EFL1: variants seen among roughly 807,000 people sequenced by gnomAD.
The protein encoded by EFL1 is elongation factor like GTPase 1, also known as elongation factor-like GTPase 1.
Under a neutral mutation model 126.7 loss-of-function variants are expected in EFL1, and 76 were observed. The observed-to-expected ratio is 0.60, with a 90% CI of 0.50 to 0.73. The LOEUF (loss-of-function observed/expected upper bound fraction) is 0.73, where lower values mean the gene tolerates loss of function less well. Among genes scored for constraint, EFL1 ranks in the 30% least tolerant of loss-of-function variants. The pLI is 0.00. For missense variants in EFL1, 1,128 were observed against 1,343.2 expected, an observed-to-expected ratio of 0.84 and a Z score of 2.50; for synonymous variants, 410 against 448.4, an observed-to-expected ratio of 0.91 and a Z score of 1.08.
At chr15:82,225,087 C>G (rs1000640871) in intron 12 of EFL1, 78 bp downstream of exon 12, 7 of 1,123,584 alleles carry the variant, frequency 6.2e-6, no homozygotes, top group South Asian at 3.1e-5. Context: ...TCCGTGCCCC[C>G]CCTACCCACA....
rs534509204 is a variant in EFL1 at position 82,199,475 on chromosome 15, G to A, written c.1750+15242C>T. Among the ~76,000 whole-genome samples the A allele has an allele frequency of 3.9e-5, 6 of 152,308 alleles. No homozygotes were observed. The South Asian group carries it at 8.3e-4, about 21-fold the overall frequency. On this transcript the variant is annotated intron_variant, in intron 15 of 19. Transcript: ENST00000268206. Reference sequence around the variant, plus strand: ...TTGGAGACAGCTAGGACTGCGGCCCGCAAAATAAGACCTTGTATGAAAATG... The same window carrying A: ...TTGGAGACAGCTAGGACTGCGGCCCACAAAATAAGACCTTGTATGAAAATG...
At chr15:82,202,895 T>G (rs1388322585) in intron 15 of EFL1, among the ~76,000 whole-genome samples, 1 of 151,446 alleles carries the variant, frequency 6.6e-6, no homozygotes. Flanking sequence ...CACTGTAACC[T>G]CCGCCTCCCG....
chr15:82,231,731 A>G (rs898875212), intron 7 of EFL1, among the ~76,000 whole-genome samples: 4 of 152,158 alleles, frequency 2.6e-5, no homozygotes, highest in African/African-American at 4.8e-5. Context: ...GCAATCGCAC[A>G]AGAAAAGGAA....
At chr15:82,217,373 G>GAAAAAAAAAAAAAAAAAAAA in intron 14 of EFL1, among the ~76,000 whole-genome samples, 4 of 27,148 alleles carry the variant, frequency 1.5e-4, no homozygotes, top group Non-Finnish European at 2.1e-4. Flanking sequence ...GATTAGATTT[G>GAAAAAAAAAAAAAAAAAAAA]AAAAAAAAAA....
intron 18 of EFL1, among the ~76,000 whole-genome samples, chr15:82,142,748 C>T (rs1036885999): frequency 6.6e-6 from 1 of 152,206 alleles, no homozygotes; most frequent in African/African-American, 2.4e-5. Context: ...CCTCTCCAAG[C>T]CAAGGTATAT....
At chr15:82,196,618 A>C (rs2074410162) in intron 15 of EFL1, among the ~76,000 whole-genome samples, 1 of 152,266 alleles carries the variant, frequency 6.6e-6, no homozygotes, top group Admixed American at 6.5e-5. Context: ...TTACCACTAA[A>C]GTTTGTTTCA....
intron 17 of EFL1, among the ~76,000 whole-genome samples, chr15:82,155,307 G>C (rs566637296): frequency 6.6e-5 from 10 of 152,132 alleles, no homozygotes; most frequent in African/African-American, 2.4e-4. Context: ...TTTGAGAACA[G>C]CCTGGCCAAG....
At position 82,219,639 on chromosome 15, in the gene EFL1, T is replaced by C. The variant is rs2141302326; in HGVS notation, c.1611+13A>G. The C allele has an allele frequency of 6.3e-7, 1 of 1,595,448 alleles. No homozygotes were observed. Among genetic ancestry groups the C allele is most frequent in the East Asian group, 2.2e-5 (1 of 44,630 alleles). On this transcript the variant is annotated intron_variant, in intron 14 of 19. Coordinates refer to ENST00000268206, the MANE Select transcript of EFL1 (RefSeq NM_024580.6). ...GAGAAACAATATATAAATATTTTAC[T>C]TTCAATTCTTACCCTTCGTAAAAAC...
chr15:82,151,289 G>T (rs968131477), intron 18 of EFL1, among the ~76,000 whole-genome samples, 176 bp downstream of exon 18: 3 of 152,158 alleles, frequency 2.0e-5, no homozygotes, highest in African/African-American at 7.2e-5. Flanking sequence ...TTGAGAGGCT[G>T]AGGTGAGAGG....
chr15:82,221,343 G>T (rs1385940509), intron 12 of EFL1, among the ~76,000 whole-genome samples: 3 of 152,110 alleles, frequency 2.0e-5, no homozygotes, highest in African/African-American at 7.2e-5. Flanking sequence ...AGCCATGCAG[G>T]TAACCATTCT....
chr15:82,159,236 A>C (rs2073998056), intron 16 of EFL1, among the ~76,000 whole-genome samples: 1 of 152,216 alleles, frequency 6.6e-6, no homozygotes, highest in Non-Finnish European at 1.5e-5. Context: ...CTGGCTTAAA[A>C]GGATTCCTGC....
chr15:82,189,220 G>T (rs1466031142), intron 15 of EFL1, among the ~76,000 whole-genome samples: 1 of 152,028 alleles, frequency 6.6e-6, no homozygotes, highest in African/African-American at 2.4e-5. Flanking sequence ...GTAAAAATAG[G>T]GTATGATAAT....
chr15:82,245,598 C>A (rs114586219), intron 4 of EFL1, among the ~76,000 whole-genome samples: 15,617 of 151,908 alleles, frequency 0.1, 1,199 homozygotes, highest in African/African-American at 0.19. Flanking sequence ...TTATGAGAAG[C>A]CTGCCACAAG....
At chr15:82,247,776 G>T (rs1011384017) in intron 4 of EFL1, among the ~76,000 whole-genome samples, 2 of 152,090 alleles carry the variant, frequency 1.3e-5, no homozygotes. Context: ...ATGGGAAATT[G>T]AAAGAGGGTG....
At chr15:82,239,857 G>C (rs1372561437) in intron 6 of EFL1, among the ~76,000 whole-genome samples, 4 of 151,934 alleles carry the variant, frequency 2.6e-5, no homozygotes, top group Non-Finnish European at 4.4e-5. Context: ...CTTCCCTCTT[G>C]ACCCAGACTG....
chr15:82,193,676 A>T (rs1334200654), intron 15 of EFL1, among the ~76,000 whole-genome samples: 2 of 152,198 alleles, frequency 1.3e-5, no homozygotes, highest in African/African-American at 2.4e-5. Context: ...ATTCTGAAAA[A>T]GGTCATTCTT....
At chr15:82,141,109 C>T (rs1282722129) in intron 18 of EFL1, among the ~76,000 whole-genome samples, 2 of 152,170 alleles carry the variant, frequency 1.3e-5, no homozygotes, top group Non-Finnish European at 2.9e-5. Flanking sequence ...GTGACTAGAC[C>T]TGTATTTCCT....
intron 15 of EFL1, among the ~76,000 whole-genome samples, chr15:82,176,407 G>A (rs1034156625): frequency 2.6e-5 from 4 of 152,152 alleles, no homozygotes; most frequent in African/African-American, 4.8e-5. Flanking sequence ...AAGATAACTC[G>A]CAAAGGAGAA....
At chr15:82,193,049 GAAATT>G (rs1187297524) in intron 15 of EFL1, among the ~76,000 whole-genome samples, 1 of 152,104 alleles carries the variant, frequency 6.6e-6, no homozygotes, top group Non-Finnish European at 1.5e-5. Flanking sequence ...TATAACTTTT[GAAATT>G]CAAATGAGTG....
Sources: gnomAD v4.1 joint callset for allele counts (sites outside exome capture counted in the v4.1 genomes callset) on GRCh38, gnomAD v4.1.1 for gene constraint, MANE v1.5 for transcripts, NCBI Gene and HGNC (gene_info 2026-07-23, HGNC 2026-07-21) for gene names.